Variants in RAD50 observed in about 807,000 individuals in gnomAD.
RAD50 encodes RAD50 double strand break repair protein, also known as DNA repair protein RAD50.
A neutral mutation model predicts 168.8 loss-of-function variants in RAD50; 132 were observed. The ratio of observed to expected loss-of-function variants is 0.78; its 90% CI spans 0.68 to 0.90. RAD50 has a LOEUF of 0.90. Ranked by LOEUF, RAD50 falls within the 40% of genes least tolerant of loss-of-function variation. RAD50 has a pLI of 0.00. For missense variants in RAD50, 1,347 were observed against 1,534.4 expected, an observed-to-expected ratio of 0.88 and a Z score of 2.04; for synonymous variants, 525 against 497.4, an observed-to-expected ratio of 1.06 and a Z score of -0.74.
At chr5:132,585,936 AT>A (rs1455487218) in intron 5 of RAD50, among the ~76,000 whole-genome samples, 2 of 152,140 alleles carry the variant, frequency 1.3e-5, no homozygotes, top group African/African-American at 2.4e-5. Flanking sequence ...TTTATCAGAT[AT>A]TGGTTTTGCA....
chr5:132,626,294 T>C (rs1751371289), intron 21 of RAD50, among the ~76,000 whole-genome samples: 1 of 152,210 alleles, frequency 6.6e-6, no homozygotes, highest in African/African-American at 2.4e-5. Context: ...AATGATTTCA[T>C]TTCCTTTGCG....
In RAD50 at chr5:132,618,059, C is replaced by G; in HGVS notation, c.3165-11C>G. On this transcript the variant is annotated splice_polypyrimidine_tract_variant and intron_variant, in intron 20 of 24. Coordinates refer to ENST00000378823, the MANE Select transcript of RAD50 (RefSeq NM_005732.4). ...AAAATGGTCCTCATTTGTCATTTTT[C>G]TTTTTTACAGTGAACATCAGAAGTT... is the stretch of plus-strand genomic sequence containing the variant. The G allele has an allele frequency of 1.2e-6, 2 of 1,608,656 alleles. No individual in the cohort carries two copies. Among genetic ancestry groups the G allele is most frequent in the South Asian group, 2.2e-5 (2 of 90,874 alleles).
rs1482506319 is a variant in RAD50 at position 132,560,075 on chromosome 5, CACAT to C, written c.213+710_213+713del. On this transcript the variant is annotated intron_variant, in intron 2 of 24. Coordinates refer to ENST00000378823, the MANE Select transcript of RAD50 (RefSeq NM_005732.4). ...ATACACACACACACACACACACACA[CACAT>C]ATATATATAGTTTATTCGTTTTTAG... is the stretch of plus-strand genomic sequence containing the variant. Among the ~76,000 whole-genome samples, 271 of 150,730 alleles carry C rather than the reference CACAT, an allele frequency of 1.8e-3. 2 individuals are homozygous for C. Among genetic ancestry groups the C allele is most frequent in the African/African-American group, 6.6e-3 (266 of 40,236 alleles).
At chr5:132,596,466 C>G (rs1044227651) in intron 13 of RAD50, among the ~76,000 whole-genome samples, 3 of 152,172 alleles carry the variant, frequency 2.0e-5, no homozygotes, top group Admixed American at 2.0e-4. Context: ...AAAAGTTCTC[C>G]CAGAAGACAG....
intron 5 of RAD50, among the ~76,000 whole-genome samples, chr5:132,584,222 C>G: frequency 6.6e-6 from 1 of 152,134 alleles, no homozygotes. Flanking sequence ...GAGATGATAT[C>G]TCATTGTGGT....
chr5:132,591,598 A>AATGTAT (rs1448565450), intron 10 of RAD50, among the ~76,000 whole-genome samples, 192 bp downstream of exon 10: 3 of 152,166 alleles, frequency 2.0e-5, no homozygotes, highest in Admixed American at 2.0e-4. Context: ...TTAATACAGA[A>AATGTAT]ATGTATATAT....
At chr5:132,563,561 A>G (rs944990811) in intron 2 of RAD50, among the ~76,000 whole-genome samples, 5 of 152,196 alleles carry the variant, frequency 3.3e-5, no homozygotes, top group African/African-American at 1.2e-4. Flanking sequence ...GGATTACATG[A>G]CAGTGTCAGG....
chr5:132,628,600 C>T (rs1333226143), intron 21 of RAD50, among the ~76,000 whole-genome samples: 1 of 152,042 alleles, frequency 6.6e-6, no homozygotes, highest in East Asian at 1.9e-4. Context: ...AATCCCAGCA[C>T]TTTGGGAGGC....
chr5:132,630,834 C>G (rs1483643420), intron 21 of RAD50: 1 of 152,228 alleles, frequency 6.6e-6, no homozygotes, highest in East Asian at 1.9e-4. Context: ...CCTCATCCCT[C>G]TTTTCTGCTC....
Position 132,589,479 on chromosome 5 carries a change from C to T in RAD50, c.1246-152C>T, listed in dbSNP as rs1750657743. ...GATGTTCACACAATGATAAAATTGC[C>T]TAATGATGCATTTCTTGGAATATAT... On this transcript the variant is annotated intron_variant, in intron 8 of 24. Coordinates refer to ENST00000378823, the MANE Select transcript of RAD50 (RefSeq NM_005732.4). 1.3e-5 allele frequency: 8 copies of T among 610,518 alleles called. No homozygotes were observed. In the South Asian group the frequency reaches 1.6e-4, roughly 12 times the overall value. The allele number at this position is 610,518 out of a possible 1,614,324, so 37.8% of individuals were successfully genotyped here. A position where few individuals can be genotyped will look rare whatever the true frequency, so the allele number is the denominator to read the frequency against.
intron 13 of RAD50, among the ~76,000 whole-genome samples, chr5:132,597,688 T>C (rs1373165266): frequency 2.0e-5 from 3 of 152,234 alleles, no homozygotes; most frequent in Non-Finnish European, 2.9e-5. Flanking sequence ...TGCGAGACCC[T>C]GAGTCAGAAG....
At chr5:132,570,247 A>G (rs1298110278) in intron 2 of RAD50, among the ~76,000 whole-genome samples, 1 of 152,184 alleles carries the variant, frequency 6.6e-6, no homozygotes, top group African/African-American at 2.4e-5. Context: ...GGAATCTATG[A>G]GTTTATACTG....
At chr5:132,627,537 G>T (rs1311806529) in intron 21 of RAD50, among the ~76,000 whole-genome samples, 1 of 152,168 alleles carries the variant, frequency 6.6e-6, no homozygotes, top group Non-Finnish European at 1.5e-5. Flanking sequence ...ATGGGGTGCA[G>T]GCGTTCCAGG....
chr5:132,591,921 T>C lies in RAD50; in HGVS notation c.1680T>C (p.Ser560=). 6.2e-7 allele frequency: 1 copy of C among 1,609,308 alleles called. No individual in the cohort carries two copies. Among genetic ancestry groups the C allele is most frequent in the Non-Finnish European group, 8.5e-7 (1 of 1,176,020 alleles). ...EQIRKIKSRH[S]DELTSLLGYF... ...TCAGAAAAATAAAATCTAGGCACAG[T>C]GATGAATTAACCTCACTGTTGGGAT... is the stretch of plus-strand genomic sequence containing the variant. The change falls in exon 11 of 25, where the codon AGT becomes AGC. Residue 560 remains serine (S), a synonymous_variant. Coordinates refer to ENST00000378823, the MANE Select transcript of RAD50 (RefSeq NM_005732.4).
chr5:132,595,892 TACTC>T (rs1169840024), intron 13 of RAD50, 82 bp downstream of exon 13: 3 of 1,295,386 alleles, frequency 2.3e-6, no homozygotes, highest in Non-Finnish European at 2.2e-6. Context: ...AGATGGTAGT[TACTC>T]AGTAAGGACT....
chr5:132,614,701 TA>T (rs1271201461), intron 19 of RAD50, among the ~76,000 whole-genome samples: 1 of 152,182 alleles, frequency 6.6e-6, no homozygotes, highest in African/African-American at 2.4e-5. Context: ...TATTACTTTT[TA>T]TTTTTTTTCC....
At position 132,623,170 on chromosome 5, in the gene RAD50, T is replaced by C. The variant is rs1279708175; in HGVS notation, c.3389+4876T>C. 4.6e-5 allele frequency among the ~76,000 whole-genome samples: 7 copies of C among 152,210 alleles called. No homozygotes were observed. In the East Asian group the frequency reaches 1.4e-3, roughly 29 times the overall value. On this transcript the variant is annotated intron_variant, in intron 21 of 24. Transcript: ENST00000378823. ...TGGATGATAAGAACCAATCCCTAGGTTATAAAAACAATAACGCCAAGTTCA... is the reference window on the plus strand; with the variant it reads ...TGGATGATAAGAACCAATCCCTAGGCTATAAAAACAATAACGCCAAGTTCA...
At chr5:132,626,612 A>G (rs1045736638) in intron 21 of RAD50, among the ~76,000 whole-genome samples, 1 of 152,218 alleles carries the variant, frequency 6.6e-6, no homozygotes, top group African/African-American at 2.4e-5. Context: ...CTAAAGAACT[A>G]AATTCATTAA....
chr5:132,638,388 A>G, intron 23 of RAD50, 165 bp downstream of exon 23: 1 of 798,700 alleles, frequency 1.3e-6, no homozygotes, highest in Non-Finnish European at 2.1e-6. Context: ...ACTCTCCTGA[A>G]GCTAACCAAC....
Sources: allele counts gnomAD v4.1 joint callset (sites outside exome capture counted in the v4.1 genomes callset), GRCh38; gene constraint gnomAD v4.1.1; transcripts MANE v1.5; gene names NCBI Gene and HGNC (gene_info 2026-07-23, HGNC 2026-07-21).